The following HERC1 variants were observed in gnomAD, a reference collection of about 807,000 sequenced individuals.
The protein encoded by HERC1 is HECT and RLD domain containing E3 ubiquitin protein ligase family member 1, also known as probable E3 ubiquitin-protein ligase HERC1.
HERC1 carries 160 observed loss-of-function variants against 554.3 expected under a neutral mutation model. The observed-to-expected ratio is 0.29, with a 90% CI of 0.25 to 0.33. The LOEUF (loss-of-function observed/expected upper bound fraction) is 0.33, where lower values mean the gene tolerates loss of function less well. Ranked by LOEUF, HERC1 falls within the 10% of genes least tolerant of loss-of-function variation. HERC1 has a pLI of 1.00. For synonymous variants in HERC1, 2,175 were observed against 2,131.7 expected, an observed-to-expected ratio of 1.02 and a Z score of -0.56; for missense variants, 4,919 against 5,918.5, an observed-to-expected ratio of 0.83 and a Z score of 5.54.
intron 61 of HERC1, 141 bp downstream of exon 61, chr15:63,640,011 G>T: frequency 1.2e-6 from 1 of 814,202 alleles, no homozygotes; most frequent in Non-Finnish European, 1.9e-6. Context: ...GTGACTATCT[G>T]AAAGAAAAAT....
At chr15:63,699,708 G>C (rs1053406602) in intron 25 of HERC1, among the ~76,000 whole-genome samples, 1 of 152,164 alleles carries the variant, frequency 6.6e-6, no homozygotes, top group Non-Finnish European at 1.5e-5. Context: ...CATCAAAATA[G>C]TTGCTAAATA....
intron 75 of HERC1, 102 bp downstream of exon 75, chr15:63,616,328 G>T: frequency 7.9e-7 from 1 of 1,263,238 alleles, no homozygotes; most frequent in Non-Finnish European, 1.1e-6. Flanking sequence ...TGTTCAGCCA[G>T]ACAGCAAGTG....
At position 63,615,741 on chromosome 15, in the gene HERC1, T is replaced by C. The variant is rs7178853; in HGVS notation, c.14094+27A>G. The C allele has an allele frequency of 0.12, 190,664 of 1,548,254 alleles. 12,586 individuals carry two copies. Among genetic ancestry groups the C allele is most frequent in the African/African-American group, 0.2 (14,107 of 71,478 alleles). On this transcript the variant is annotated intron_variant, in intron 76 of 77. Coordinates refer to ENST00000443617, the MANE Select transcript of HERC1 (RefSeq NM_003922.4). ...TTGGAGAGAAACCCAAGCATTCATG[T>C]GTACCTCCCGAGATGTTTCATCTCA...
At chr15:63,685,817 G>C (rs1259308131) in intron 34 of HERC1, among the ~76,000 whole-genome samples, 1 of 152,182 alleles carries the variant, frequency 6.6e-6, no homozygotes, top group Non-Finnish European at 1.5e-5. Context: ...GCTGGCATGG[G>C]GGAACTTGAC....
chr15:63,717,265 C>A (rs2073598171), intron 21 of HERC1, among the ~76,000 whole-genome samples: 1 of 152,100 alleles, frequency 6.6e-6, no homozygotes, highest in African/African-American at 2.4e-5. Flanking sequence ...AACAAAATGG[C>A]AAATTAATAC....
intron 1 of HERC1, among the ~76,000 whole-genome samples, chr15:63,816,967 T>C (rs2077512488): frequency 6.6e-6 from 1 of 152,024 alleles, no homozygotes; most frequent in African/African-American, 2.4e-5. Flanking sequence ...GAAGTACTCT[T>C]ACTGAGAGGG....
In HERC1 at chr15:63,609,168, G is replaced by C. The variant is rs763763584; in HGVS notation, c.14499C>G (p.Ala4833=). The C allele has an allele frequency of 8.1e-6, 13 of 1,613,886 alleles. No homozygotes were observed. In the East Asian group the frequency reaches 2.7e-4, roughly 33 times the overall value. Residue 4833 remains alanine (A), a synonymous_variant, in exon 78 of 78, where the codon GCC becomes GCG. Coordinates refer to ENST00000443617, the MANE Select transcript of HERC1 (RefSeq NM_003922.4). The stretch of plus-strand genomic sequence containing the variant: ...TGTCGATTGAGCGGCAGTTGTTGAT[G>C]GCATAGCGCAGGCGCTCGGCCATGA... ...QLVMAERLRY[A]INNCRSIDMD... is the part of the protein sequence containing the mutation.
chr15:63,701,090 T>C (rs920457989), intron 25 of HERC1, among the ~76,000 whole-genome samples: 28 of 152,124 alleles, frequency 1.8e-4, no homozygotes, highest in African/African-American at 6.5e-4. Context: ...CTAATACTTA[T>C]AAATTACTTT....
At chr15:63,817,005 T>C (rs1024897113) in intron 1 of HERC1, among the ~76,000 whole-genome samples, 5 of 151,976 alleles carry the variant, frequency 3.3e-5, no homozygotes, top group African/African-American at 1.2e-4. Context: ...AACCTATCAA[T>C]TTACAGGAAA....
At chr15:63,713,783 AT>A in intron 22 of HERC1, 118 bp from the exon 23 acceptor site, 1 of 813,118 alleles carries the variant, frequency 1.2e-6, no homozygotes, top group South Asian at 1.9e-5. Context: ...GGGAAAAATT[AT>A]TTTTTAGACA....
chr15:63,821,020 C>T (rs1183725725), intron 1 of HERC1, among the ~76,000 whole-genome samples: 4 of 152,214 alleles, frequency 2.6e-5, no homozygotes, highest in African/African-American at 4.8e-5. Flanking sequence ...ATTATATGCT[C>T]TTGATAATGT....
chr15:63,681,599 A>C (rs968656120), intron 34 of HERC1, among the ~76,000 whole-genome samples: 1 of 152,124 alleles, frequency 6.6e-6, no homozygotes, highest in African/African-American at 2.4e-5. Flanking sequence ...AAAAAAAAAA[A>C]AACTTCCCCT....
At chr15:63,763,977 A>G (rs369839128) in intron 3 of HERC1, 119 bp downstream of exon 3, 4 of 613,162 alleles carry the variant, frequency 6.5e-6, no homozygotes, top group South Asian at 4.8e-5. Flanking sequence ...AGAGGTAACA[A>G]CTGGTGCCAC....
intron 43 of HERC1, among the ~76,000 whole-genome samples, chr15:63,663,479 A>G (rs890929868): frequency 3.3e-5 from 5 of 152,224 alleles, no homozygotes; most frequent in African/African-American, 4.8e-5. Flanking sequence ...TTTTAGAGAC[A>G]GGATCTGGAT....
At position 63,632,009 on chromosome 15, in the gene HERC1, A is replaced by C. The variant is rs374160412; in HGVS notation, c.12796+700T>G. ...TAATGTCCTAAACCTACATCTTCAT[A>C]ATCAATCCTTCTGGAGTTCCAGATC... On this transcript the variant is annotated intron_variant, in intron 68 of 77. Transcript: ENST00000443617. 1.5e-4 allele frequency among the ~76,000 whole-genome samples: 23 copies of C among 152,276 alleles called. No individual in the cohort carries two copies. In the South Asian group the frequency reaches 4.6e-3, roughly 30 times the overall value.
Position 63,677,714 on chromosome 15 carries a change from C to A in HERC1, c.7070+131G>T. On this transcript the variant is annotated intron_variant, in intron 37 of 77. Transcript: ENST00000443617. The surrounding 1 kb of genome is among the most constrained non-coding windows in gnomAD (Gnocchi z 4.4). ...AAGAAATTACAGTAGAAACATCTAG[C>A]TGCATGAGAAATATTTTTAAAAGTT... 1.4e-6 allele frequency: 2 copies of A among 1,428,408 alleles called. No homozygotes were observed. Among genetic ancestry groups the A allele is most frequent in the Non-Finnish European group, 1.9e-6 (2 of 1,070,180 alleles). The allele number at this position is 1,428,408 out of a possible 1,614,324, so 88.5% of individuals were successfully genotyped here.
At chr15:63,807,716 T>C (rs906540766) in intron 1 of HERC1, among the ~76,000 whole-genome samples, 13 of 152,166 alleles carry the variant, frequency 8.5e-5, no homozygotes, top group African/African-American at 3.1e-4. Flanking sequence ...ACTCCCCAAC[T>C]GTCTCTGCTC....
intron 47 of HERC1, among the ~76,000 whole-genome samples, chr15:63,659,507 C>G (rs2070239540): frequency 6.6e-6 from 1 of 152,124 alleles, no homozygotes; most frequent in South Asian, 2.1e-4. Context: ...CTTTCTTCAG[C>G]CTTCCAAAGT....
At chr15:63,778,685 T>C (rs2076185680) in intron 1 of HERC1, among the ~76,000 whole-genome samples, 1 of 152,128 alleles carries the variant, frequency 6.6e-6, no homozygotes, top group Non-Finnish European at 1.5e-5. Flanking sequence ...GAGAATGCAA[T>C]TAAATTAAGA....
Sources: allele counts gnomAD v4.1 joint callset (sites outside exome capture counted in the v4.1 genomes callset), GRCh38; gene constraint gnomAD v4.1.1; non-coding constraint Gnocchi (gnomAD v3.1); transcripts MANE v1.5; gene names NCBI Gene and HGNC (gene_info 2026-07-23, HGNC 2026-07-21).